Variants in PPP3CA observed in about 807,000 individuals in gnomAD.
PPP3CA encodes the protein CAM-PRP catalytic subunit.
Under a neutral mutation model 66.5 loss-of-function variants are expected in PPP3CA, and 14 were observed. The observed-to-expected ratio is 0.21, with a 90% CI of 0.14 to 0.33. The LOEUF is 0.33. Ranked by LOEUF, PPP3CA falls within the 10% of genes least tolerant of loss-of-function variation. The pLI, the probability that PPP3CA is intolerant of heterozygous loss-of-function variation, is 1.00. For missense variants in PPP3CA, 317 were observed against 639.5 expected (o/e 0.50, Z 5.44); for synonymous variants, 232 against 226.2 (o/e 1.03, Z -0.23).
chr4:101,237,278 C>T (rs1037723086), intron 1 of PPP3CA, among the ~76,000 whole-genome samples: 3 of 151,810 alleles, frequency 2.0e-5, no homozygotes, highest in Admixed American at 1.3e-4. Flanking sequence ...TACAGTAACA[C>T]TCTTCCAAGT....
At position 101,346,781 on chromosome 4, in the gene PPP3CA, C is replaced by T. The variant is rs770314812; in HGVS notation, c.16G>A (p.Ala6Thr). 4 of 1,611,504 alleles carry T rather than the reference C, an allele frequency of 2.5e-6. No individual in the cohort carries two copies. In the South Asian group the frequency reaches 3.3e-5, roughly 13 times the overall value. ...GTCGTCGACAACTTGGGATCAATTGCCTTGGGCTCGGACATCTCCAGCTGC... is the reference window on the plus strand; with the variant it reads ...GTCGTCGACAACTTGGGATCAATTGTCTTGGGCTCGGACATCTCCAGCTGC... MSEPK[A>T]IDPKLSTTDR... Residue 6 changes from alanine to threonine, a missense_variant, in exon 1 of 14, where the codon GCA (alanine) becomes ACA (threonine). Transcript: ENST00000394854.
At chr4:101,109,308 T>TAAAGAAA (rs1721574343) in intron 2 of PPP3CA, among the ~76,000 whole-genome samples, 1 of 90,060 alleles carries the variant, frequency 1.1e-5, no homozygotes, top group African/African-American at 4.2e-5. Flanking sequence ...ACAGATTAAC[T>TAAAGAAA]AAAAAAAAAA....
At chr4:101,167,935 G>A (rs992414013) in intron 2 of PPP3CA, among the ~76,000 whole-genome samples, 1 of 152,140 alleles carries the variant, frequency 6.6e-6, no homozygotes, top group Non-Finnish European at 1.5e-5. Context: ...TTGGAGTTGA[G>A]GTAAAGCACT....
intron 2 of PPP3CA, among the ~76,000 whole-genome samples, chr4:101,175,798 TGGA>T (rs939745728): frequency 6.6e-5 from 10 of 152,076 alleles, no homozygotes; most frequent in African/African-American, 2.2e-4. Context: ...AGTATAGGAG[TGGA>T]GTAGTTTGCT....
At chr4:101,246,219 T>C (rs1034829075) in intron 1 of PPP3CA, among the ~76,000 whole-genome samples, 7 of 152,212 alleles carry the variant, frequency 4.6e-5, no homozygotes, top group African/African-American at 7.2e-5. Context: ...TAAATGAATG[T>C]GTGTTGATGG....
chr4:101,092,336 T>C (rs1201109946), intron 6 of PPP3CA, among the ~76,000 whole-genome samples: 1 of 152,148 alleles, frequency 6.6e-6, no homozygotes, highest in Non-Finnish European at 1.5e-5. Flanking sequence ...TAAAGTTGTT[T>C]TTCTGATCTG....
intron 1 of PPP3CA, among the ~76,000 whole-genome samples, 153 bp from the exon 2 acceptor site, chr4:101,196,269 A>G (rs982168424): frequency 8.5e-5 from 13 of 152,182 alleles, no homozygotes; most frequent in African/African-American, 3.1e-4. Context: ...TATCTATCAA[A>G]AATTAAGAAC....
chr4:101,052,941 C>T (rs1728074089), intron 10 of PPP3CA, among the ~76,000 whole-genome samples: 1 of 151,966 alleles, frequency 6.6e-6, no homozygotes. Context: ...CCCCTAAACA[C>T]CTATATCCTG....
At chr4:101,146,692 C>T (rs755854077) in intron 2 of PPP3CA, among the ~76,000 whole-genome samples, 13 of 152,106 alleles carry the variant, frequency 8.5e-5, no homozygotes, top group Non-Finnish European at 1.3e-4. Context: ...CTGCCCACCT[C>T]GGCTTTCCAA....
chr4:101,082,870 A>G (rs900928018), intron 7 of PPP3CA, among the ~76,000 whole-genome samples: 3 of 152,172 alleles, frequency 2.0e-5, no homozygotes, highest in Admixed American at 2.0e-4. Context: ...TAATTTACTC[A>G]CTTATATGAC....
intron 1 of PPP3CA, among the ~76,000 whole-genome samples, chr4:101,233,200 G>A (rs972059916): frequency 2.6e-5 from 4 of 151,758 alleles, no homozygotes; most frequent in African/African-American, 4.8e-5. Flanking sequence ...ACACATGATT[G>A]GAAGAGTGTA....
intron 1 of PPP3CA, among the ~76,000 whole-genome samples, chr4:101,213,452 C>T (rs911548825): frequency 6.6e-5 from 10 of 151,910 alleles, no homozygotes; most frequent in African/African-American, 2.4e-4. Flanking sequence ...AGTAAATTCC[C>T]AATATTTAAT....
At chr4:101,117,445 T>C (rs28607817) in intron 2 of PPP3CA, among the ~76,000 whole-genome samples, 2 of 88,798 alleles carry the variant, frequency 2.3e-5, no homozygotes, top group Non-Finnish European at 4.9e-5. Flanking sequence ...CACTGAGATT[T>C]TTTTTTGCAG....
At position 101,067,540 on chromosome 4, in the gene PPP3CA, CA is replaced by C. The variant is rs745739173; in HGVS notation, c.956-4184del. Among the ~76,000 whole-genome samples, 312 of 128,044 alleles carry C rather than the reference CA, an allele frequency of 2.4e-3. 1 individual carries two copies. The highest frequency in any genetic ancestry group is 6.7e-3 in the African/African-American group (235 of 35,152). The allele number at this position is 128,044 out of a possible 152,430, so 84.0% of individuals were successfully genotyped here. On this transcript the variant is annotated intron_variant, in intron 8 of 13. Transcript: ENST00000394854. ...ACTTTAATTTGAAATTTTGATGAGACAAAAAAAAAAACAACTAGTATTTCAT... is the reference window on the plus strand; with the variant it reads ...ACTTTAATTTGAAATTTTGATGAGACAAAAAAAAAACAACTAGTATTTCAT...
At position 101,024,758 on chromosome 4, in the gene PPP3CA, T is replaced by C. The variant is rs1726548718; in HGVS notation, c.*1107A>G. The C allele has an allele frequency of 6.6e-6, 1 of 152,552 alleles. No homozygotes were observed. The highest frequency in any genetic ancestry group is 1.5e-5 in the Non-Finnish European group (1 of 68,020). The allele number at this position is 152,552 out of a possible 1,614,324, so 9.4% of individuals were successfully genotyped here. A position where few individuals can be genotyped will look rare whatever the true frequency, so the allele number is the denominator to read the frequency against. On this transcript the variant is annotated 3_prime_UTR_variant, in exon 14 of 14. Coordinates refer to ENST00000394854, the MANE Select transcript of PPP3CA (RefSeq NM_000944.5). The stretch of plus-strand genomic sequence containing the variant: ...TTATGTTAAAAACTTTAAAGAATAC[T>C]CTCCCCTTTAGATTTTTTCAAAGCT...
chr4:101,190,225 T>C (rs927285946), intron 2 of PPP3CA, among the ~76,000 whole-genome samples: 4 of 152,130 alleles, frequency 2.6e-5, no homozygotes, highest in Admixed American at 6.6e-5. Flanking sequence ...TATTTTAGCC[T>C]TCTCCAAAAG....
Position 101,026,485 on chromosome 4 carries a change from T to C in PPP3CA, c.1370-424A>G, listed in dbSNP as rs1726657059. On this transcript the variant is annotated intron_variant, in intron 13 of 13. Coordinates refer to ENST00000394854, the MANE Select transcript of PPP3CA (RefSeq NM_000944.5). ...CCCTCTTTGTATTCCTCCATTGTACTAGGTAATGGCAAATTCAGTGGAATC... is the reference window on the plus strand; with the variant it reads ...CCCTCTTTGTATTCCTCCATTGTACCAGGTAATGGCAAATTCAGTGGAATC... 2.0e-5 allele frequency among the ~76,000 whole-genome samples: 3 copies of C among 152,166 alleles called. No homozygotes were observed. The South Asian group carries it at 6.2e-4, about 32-fold the overall frequency.
At chr4:101,167,417 C>A (rs1022310108) in intron 2 of PPP3CA, among the ~76,000 whole-genome samples, 1 of 152,106 alleles carries the variant, frequency 6.6e-6, no homozygotes, top group Non-Finnish European at 1.5e-5. Flanking sequence ...ACATTTAAAT[C>A]GTTACCGAAT....
intron 1 of PPP3CA, among the ~76,000 whole-genome samples, chr4:101,258,758 C>T: frequency 6.6e-6 from 1 of 152,112 alleles, no homozygotes; most frequent in Non-Finnish European, 1.5e-5. Context: ...CCTGGCTCTT[C>T]TCTCAAGCTT....
Sources: allele counts gnomAD v4.1 joint callset (sites outside exome capture counted in the v4.1 genomes callset), GRCh38; gene constraint gnomAD v4.1.1; transcripts MANE v1.5; gene names NCBI Gene and HGNC (gene_info 2026-07-23, HGNC 2026-07-21).